Variants in ABRAXAS1 observed in about 807,000 individuals in gnomAD.
ABRAXAS1 encodes abraxas 1, BRCA1 A complex subunit, also known as BRCA1-A complex subunit Abraxas 1.
A neutral mutation model predicts 38.4 loss-of-function variants in ABRAXAS1; 26 were observed. That is an observed-to-expected ratio of 0.68 (90% CI 0.50 to 0.94). The LOEUF (loss-of-function observed/expected upper bound fraction) is 0.94, where lower values mean the gene tolerates loss of function less well. Ranked by LOEUF, ABRAXAS1 falls within the 40% of genes least tolerant of loss-of-function variation. The pLI, the probability that ABRAXAS1 is intolerant of heterozygous loss-of-function variation, is 0.00. For synonymous variants in ABRAXAS1, 144 were observed against 165.5 expected, an observed-to-expected ratio of 0.87 and a Z score of 1.00; for missense variants, 438 against 481.9, an observed-to-expected ratio of 0.91 and a Z score of 0.85.
At chr4:83,475,302 T>A (rs77181833) in intron 3 of ABRAXAS1, among the ~76,000 whole-genome samples, 14,139 of 152,260 alleles carry the variant, frequency 0.093, 725 homozygotes, top group Middle Eastern at 0.13. Context: ...TTTCTTGGTA[T>A]AGCAGTTTAA....
Position 83,462,440 on chromosome 4 carries a change from A to T in ABRAXAS1, c.*29T>A. ...GTTTGGCTTTACCCATCAGCCAAAT[A>T]AAAAAATCTCCTTGTAAGGTTAAAA... On this transcript the variant is annotated 3_prime_UTR_variant, in exon 9 of 9. Coordinates refer to ENST00000321945, the MANE Select transcript of ABRAXAS1 (RefSeq NM_139076.3). The T allele has an allele frequency of 6.4e-7, 1 of 1,559,706 alleles. No homozygotes were observed. The highest frequency in any genetic ancestry group is 8.7e-7 in the Non-Finnish European group (1 of 1,154,340).
chr4:83,474,188 C>CT (rs1350875263), intron 3 of ABRAXAS1, among the ~76,000 whole-genome samples: 4 of 131,634 alleles, frequency 3.0e-5, no homozygotes, highest in African/African-American at 1.2e-4. Context: ...AATAAAATCT[C>CT]TATCTATCCA....
Position 83,459,960 on chromosome 4 carries a change from A to T in ABRAXAS1, c.*2509T>A. 1 of 548,698 alleles carries T rather than the reference A, an allele frequency of 1.8e-6. No individual in the cohort carries two copies. The highest frequency in any genetic ancestry group is 3.2e-6 in the Non-Finnish European group (1 of 316,934). The allele number at this position is 548,698 out of a possible 1,614,324, so 34.0% of individuals were successfully genotyped here. Reference sequence around the variant, plus strand: ...TTACTATGAAAAAGTCTCTTAGGCCAAGAGGATTATTATTTTGCTGTCTTA... The same window carrying T: ...TTACTATGAAAAAGTCTCTTAGGCCTAGAGGATTATTATTTTGCTGTCTTA... On this transcript the variant is annotated 3_prime_UTR_variant, in exon 9 of 9. Transcript: ENST00000321945.
At chr4:83,476,264 A>G (rs1191735453) in intron 3 of ABRAXAS1, among the ~76,000 whole-genome samples, 1 of 152,178 alleles carries the variant, frequency 6.6e-6, no homozygotes, top group African/African-American at 2.4e-5. Flanking sequence ...ATAAGTGAGG[A>G]ACCAGTTGCT....
intron 5 of ABRAXAS1, chr4:83,469,376 C>A: frequency 2.2e-6 from 1 of 444,514 alleles, no homozygotes; most frequent in South Asian, 2.8e-5. Flanking sequence ...TGCAGTGGTG[C>A]GATCATGGCT....
chr4:83,467,458 A>C lies in ABRAXAS1; in HGVS notation c.677T>G (p.Leu226Ter). 2.0e-6 allele frequency: 3 copies of C among 1,498,014 alleles called. 1 individual carries two copies. In the South Asian group the frequency reaches 3.4e-5, roughly 17 times the overall value. 92.8% of individuals were successfully genotyped at this position (1,498,014 alleles called of 1,614,324 possible). A position where few individuals can be genotyped will look rare whatever the true frequency, so the allele number is the denominator to read the frequency against. ...NEMYASLQEELKSICKKVEDS... is the reference protein window; with the variant it reads ...NEMYASLQEE ...GTGTTTGATATGTTAACTTACCTTT[A>C]ATTCCTCTTGTAATGAAGCATACAT... The change falls in exon 7 of 9, where the codon TTA (leucine) becomes TGA (stop). Residue 226 changes from leucine (L) to a stop codon, truncating the protein, a stop_gained. Transcript: ENST00000321945. LOFTEE classifies it high-confidence loss of function.
rs1722098849 is a variant in ABRAXAS1, at chr4:83,461,223, C to A, written c.*1246G>T. 2 of 1,596,916 alleles carry A rather than the reference C, an allele frequency of 1.3e-6. No individual in the cohort carries two copies. The highest frequency in any genetic ancestry group is 1.7e-6 in the Non-Finnish European group (2 of 1,166,592). On this transcript the variant is annotated 3_prime_UTR_variant, in exon 9 of 9. Coordinates refer to ENST00000321945, the MANE Select transcript of ABRAXAS1 (RefSeq NM_139076.3). ...ATTCTATCACGTTACCACTAATAAACTTATTTTACAGTAAGTGGTTGTATG... is the reference window on the plus strand; with the variant it reads ...ATTCTATCACGTTACCACTAATAAAATTATTTTACAGTAAGTGGTTGTATG...
chr4:83,474,557 C>CA (rs1178043077), intron 3 of ABRAXAS1, among the ~76,000 whole-genome samples: 6 of 151,546 alleles, frequency 4.0e-5, no homozygotes, highest in Admixed American at 2.0e-4. Flanking sequence ...ACTAAAAATA[C>CA]AAAAAAAATC....
At position 83,485,088 on chromosome 4, in the gene ABRAXAS1, G is replaced by C. The variant is rs1723139838; in HGVS notation, c.-16C>G. 1.9e-6 allele frequency: 3 copies of C among 1,571,200 alleles called. No homozygotes were observed. The highest frequency in any genetic ancestry group is 1.2e-5 in the South Asian group (1 of 86,902). ...CCCCCTCCATGCTACCGCCGCCTCA[G>C]GCTACACAAGAGGACGAGGGCGGGG... On this transcript the variant is annotated 5_prime_UTR_variant, in exon 1 of 9. Transcript: ENST00000321945.
chr4:83,481,332 T>C (rs1408931644), intron 2 of ABRAXAS1, among the ~76,000 whole-genome samples: 2 of 152,186 alleles, frequency 1.3e-5, no homozygotes, highest in Admixed American at 6.5e-5. Flanking sequence ...TAACCATTTT[T>C]TTCCCTATGC....
intron 2 of ABRAXAS1, chr4:83,477,682 T>C (rs925611100): frequency 1.7e-6 from 1 of 576,052 alleles, no homozygotes. Context: ...TTGATGTCCG[T>C]TTCAAAGAAA....
At chr4:83,477,982 GA>G (rs1214099088) in intron 2 of ABRAXAS1, 1 of 956,960 alleles carries the variant, frequency 1.0e-6, no homozygotes, top group Non-Finnish European at 1.7e-6. Context: ...TGTTCCAAGG[GA>G]GCATGATTGG....
chr4:83,463,395 T>C, intron 8 of ABRAXAS1, 99 bp downstream of exon 8: 1 of 772,110 alleles, frequency 1.3e-6, no homozygotes, highest in Non-Finnish European at 2.0e-6. Flanking sequence ...ATCACACCTT[T>C]GCACTCCAAC....
At chr4:83,477,852 G>A (rs1248810326) in intron 2 of ABRAXAS1, 8 of 758,544 alleles carry the variant, frequency 1.1e-5, no homozygotes, top group Admixed American at 7.1e-5. Context: ...TCTGTAGAAC[G>A]TTTAGAAGAT....
rs756939966 is a variant in ABRAXAS1 at position 83,459,836 on chromosome 4, C to T, written c.*2633G>A. 1.3e-5 allele frequency: 19 copies of T among 1,459,772 alleles called. No homozygotes were observed. The highest frequency in any genetic ancestry group is 4.2e-5 in the African/African-American group (3 of 70,818). 90.4% of individuals were successfully genotyped at this position (1,459,772 alleles called of 1,614,324 possible). On this transcript the variant is annotated 3_prime_UTR_variant, in exon 9 of 9. Coordinates refer to ENST00000321945, the MANE Select transcript of ABRAXAS1 (RefSeq NM_139076.3). ...TATTATGGGAATATAAATGTAGATA[C>T]GAATTATATCAATCTATTTCTATCA... is the stretch of plus-strand genomic sequence containing the variant.
intron 2 of ABRAXAS1, chr4:83,478,560 C>T: frequency 3.7e-6 from 1 of 273,896 alleles, no homozygotes; most frequent in South Asian, 4.3e-5. Flanking sequence ...GATGGAAGAA[C>T]AGTAGGATGT....
intron 4 of ABRAXAS1, among the ~76,000 whole-genome samples, chr4:83,470,714 G>A (rs1476899239): frequency 6.6e-6 from 1 of 151,998 alleles, no homozygotes; most frequent in Non-Finnish European, 1.5e-5. Flanking sequence ...AAATTTAAAT[G>A]AAAAAAATAT....
chr4:83,484,906 C>G, intron 1 of ABRAXAS1, 80 bp downstream of exon 1: 1 of 1,248,456 alleles, frequency 8.0e-7, no homozygotes, highest in Non-Finnish European at 1.1e-6. Context: ...CGGGCGGGGA[C>G]CGGAGCAACA....
chr4:83,473,821 A>G (rs1722670643), intron 3 of ABRAXAS1, among the ~76,000 whole-genome samples: 1 of 151,016 alleles, frequency 6.6e-6, no homozygotes. Flanking sequence ...CACCTGCATA[A>G]TTTTTTAAAA....
Sources: allele counts gnomAD v4.1 joint callset (sites outside exome capture counted in the v4.1 genomes callset), GRCh38; gene constraint gnomAD v4.1.1; transcripts MANE v1.5; gene names NCBI Gene and HGNC (gene_info 2026-07-23, HGNC 2026-07-21).